GALNT14: variants seen among roughly 807,000 people sequenced by gnomAD.
GALNT14 encodes polypeptide N-acetylgalactosaminyltransferase 14, also known as UDP-GalNAc:polypeptide N-acetylgalactosaminyltransferase 14.
In GALNT14, 60 loss-of-function variants were observed where a neutral mutation model predicts 77.5. That is an observed-to-expected ratio of 0.77 (90% CI 0.63 to 0.96). The LOEUF (loss-of-function observed/expected upper bound fraction) is 0.96, where lower values mean the gene tolerates loss of function less well. GALNT14 is among the 40% of genes least tolerant of loss of function. The pLI is 0.00. For missense variants in GALNT14, 710 were observed against 731.0 expected, an observed-to-expected ratio of 0.97 and a Z score of 0.33; for synonymous variants, 280 against 281.7, an observed-to-expected ratio of 0.99 and a Z score of 0.06.
intron 1 of GALNT14, among the ~76,000 whole-genome samples, chr2:31,033,508 T>C (rs1245312186): frequency 6.6e-6 from 1 of 152,220 alleles, no homozygotes; most frequent in Non-Finnish European, 1.5e-5. Flanking sequence ...ATGCTATTTT[T>C]GCTTCCTTCA....
At chr2:30,981,831 C>G (rs550252229) in intron 2 of GALNT14, among the ~76,000 whole-genome samples, 2 of 152,158 alleles carry the variant, frequency 1.3e-5, no homozygotes, top group Admixed American at 1.3e-4. Flanking sequence ...TCTCATGTTA[C>G]GTGGGAGGAA....
At position 30,992,842 on chromosome 2, in the gene GALNT14, G is replaced by C; in HGVS notation, c.295C>G (p.Leu99Val). ...SNRAIPDTRH[L>V]RCTLLVYCTD... ...AGTGGGAGAAGGAGGAAGTACCTCA[G>C]ATGGCGAGTGTCCGGGATGGCCCGA... Residue 99 changes from leucine to valine, a missense_variant, in exon 2 of 15, where the codon CTG (leucine) becomes GTG (valine). Transcript: ENST00000349752. The C allele has an allele frequency of 6.2e-7, 1 of 1,613,204 alleles. No individual in the cohort carries two copies. Among genetic ancestry groups the C allele is most frequent in the South Asian group, 1.1e-5 (1 of 91,064 alleles).
chr2:31,028,819 A>G (rs1672232292), intron 1 of GALNT14, among the ~76,000 whole-genome samples: 1 of 152,180 alleles, frequency 6.6e-6, no homozygotes, highest in South Asian at 2.1e-4. Flanking sequence ...GTGGTATTTC[A>G]TTGGCATGAT....
chr2:30,982,183 T>A (rs1669030754), intron 2 of GALNT14, among the ~76,000 whole-genome samples: 1 of 152,160 alleles, frequency 6.6e-6, no homozygotes, highest in African/African-American at 2.4e-5. Flanking sequence ...ACACCACCAC[T>A]CAGCCTCCTG....
At chr2:31,114,699 T>C (rs574819695) in intron 1 of GALNT14, 4 of 712,324 alleles carry the variant, frequency 5.6e-6, no homozygotes, top group African/African-American at 5.3e-5. Context: ...AAGGAACAAA[T>C]ACAAAAGAGA....
At chr2:31,039,843 G>A (rs1306457174) in intron 1 of GALNT14, among the ~76,000 whole-genome samples, 1 of 152,174 alleles carries the variant, frequency 6.6e-6, no homozygotes, top group African/African-American at 2.4e-5. Context: ...TTTTGTAGAA[G>A]ACTTTATGCT....
chr2:30,888,881 T>G, the GALNT14 span, among the ~76,000 whole-genome samples: 358 of 152,280 alleles, frequency 2.4e-3, 3 homozygotes, highest in African/African-American at 8.4e-3. Context: ...AGCCTTATTT[T>G]GTTGAATTGC....
chr2:30,888,203 G>A, the GALNT14 span, among the ~76,000 whole-genome samples: 1 of 152,200 alleles, frequency 6.6e-6, no homozygotes, highest in Non-Finnish European at 1.5e-5. Flanking sequence ...CCATCTGTCT[G>A]CACTCTAAGA....
At chr2:31,114,555 A>G (rs971075876) in intron 1 of GALNT14, among the ~76,000 whole-genome samples, 15 of 152,188 alleles carry the variant, frequency 9.9e-5, no homozygotes, top group Admixed American at 8.5e-4. Flanking sequence ...GGCTTAGAAG[A>G]TCAAGTAGAA....
chr2:30,903,058 C>T, the GALNT14 span, among the ~76,000 whole-genome samples: 4 of 152,168 alleles, frequency 2.6e-5, no homozygotes, highest in East Asian at 5.8e-4. Flanking sequence ...AGTGCTTCAA[C>T]AAAAGAGCCA....
chr2:31,113,227 T>C (rs182571646), intron 1 of GALNT14, among the ~76,000 whole-genome samples: 2 of 152,290 alleles, frequency 1.3e-5, no homozygotes, highest in Admixed American at 1.3e-4. Flanking sequence ...TAGCTAGTGG[T>C]GTCTCTCTCA....
chr2:30,961,025 TA>T (rs1307607891), intron 3 of GALNT14, among the ~76,000 whole-genome samples: 1 of 152,228 alleles, frequency 6.6e-6, no homozygotes, highest in African/African-American at 2.4e-5. Context: ...TGCTGCACCC[TA>T]ACTATTGGCC....
At chr2:31,046,957 A>C (rs997907248) in intron 1 of GALNT14, among the ~76,000 whole-genome samples, 2 of 152,208 alleles carry the variant, frequency 1.3e-5, no homozygotes, top group African/African-American at 4.8e-5. Flanking sequence ...CTCCTTTTAC[A>C]GGTGGAGAAA....
At chr2:31,132,186 C>G in intron 1 of GALNT14, among the ~76,000 whole-genome samples, 1 of 152,140 alleles carries the variant, frequency 6.6e-6, no homozygotes, top group East Asian at 1.9e-4. Flanking sequence ...TCAGCGCTGA[C>G]AACCAGAGGC....
chr2:31,046,735 T>C (rs1573235968), intron 1 of GALNT14, among the ~76,000 whole-genome samples: 1 of 152,188 alleles, frequency 6.6e-6, no homozygotes, highest in South Asian at 2.1e-4. Flanking sequence ...ATATGAATTA[T>C]CAGGAACCTA....
chr2:30,979,734 T>A (rs1668869797), intron 2 of GALNT14, among the ~76,000 whole-genome samples: 1 of 152,036 alleles, frequency 6.6e-6, no homozygotes, highest in Non-Finnish European at 1.5e-5. Context: ...TTCCATCACA[T>A]CCCATTGTGC....
intron 1 of GALNT14, among the ~76,000 whole-genome samples, chr2:31,026,193 A>G (rs895526803): frequency 3.3e-5 from 5 of 152,170 alleles, no homozygotes; most frequent in African/African-American, 9.6e-5. Flanking sequence ...GGGCGGGGCC[A>G]CTGGCTTTTC....
chr2:30,998,888 C>T (rs1670196299), intron 1 of GALNT14, among the ~76,000 whole-genome samples: 1 of 152,216 alleles, frequency 6.6e-6, no homozygotes, highest in Non-Finnish European at 1.5e-5. Context: ...TGTCATTTTC[C>T]TCAGCCAACT....
intron 2 of GALNT14, among the ~76,000 whole-genome samples, chr2:30,976,444 A>T (rs896618653): frequency 1.3e-5 from 2 of 152,180 alleles, no homozygotes; most frequent in African/African-American, 2.4e-5. Context: ...AGTGAGTGGA[A>T]CACTGAGGTT....
Sources: allele counts gnomAD v4.1 joint callset (sites outside exome capture counted in the v4.1 genomes callset), GRCh38; gene constraint gnomAD v4.1.1; transcripts MANE v1.5; gene names NCBI Gene and HGNC (gene_info 2026-07-23, HGNC 2026-07-21).